Variants in KLHL3 observed in about 807,000 individuals in gnomAD.
KLHL3 encodes the protein kelch-like protein 3.
A neutral mutation model predicts 70.5 loss-of-function variants in KLHL3; 19 were observed. The observed-to-expected ratio is 0.27, with a 90% CI of 0.19 to 0.40. The LOEUF is 0.40. Among genes scored for constraint, KLHL3 ranks in the 10% least tolerant of loss-of-function variants. The pLI, the probability that KLHL3 is intolerant of heterozygous loss-of-function variation, is 1.00. For missense variants in KLHL3, 512 were observed against 771.1 expected (o/e 0.66, Z 3.98); for synonymous variants, 258 against 290.3 (o/e 0.89, Z 1.13).
rs1215146519 is a variant in KLHL3, at chr5:137,658,297, A to C, written c.754-17T>G. 3 of 1,613,612 alleles carry C rather than the reference A, an allele frequency of 1.9e-6. No homozygotes were observed. The highest frequency in any genetic ancestry group is 2.5e-6 in the Non-Finnish European group (3 of 1,179,658). ...TTCAACCGTCTAGAGGTAATAATCCACAGATGATCCTGGAGCACAGCTCAG... is the reference window on the plus strand; with the variant it reads ...TTCAACCGTCTAGAGGTAATAATCCCCAGATGATCCTGGAGCACAGCTCAG... On this transcript the variant is annotated splice_polypyrimidine_tract_variant and intron_variant, in intron 7 of 14. Transcript: ENST00000309755.
At chr5:137,652,010 C>A (rs1024293661) in intron 8 of KLHL3, among the ~76,000 whole-genome samples, 1 of 151,990 alleles carries the variant, frequency 6.6e-6, no homozygotes, top group Admixed American at 6.5e-5. Context: ...AACAAATGAG[C>A]CTTAGACTCT....
intron 6 of KLHL3, among the ~76,000 whole-genome samples, chr5:137,676,977 T>C (rs972289945): frequency 6.6e-6 from 1 of 152,198 alleles, no homozygotes; most frequent in African/African-American, 2.4e-5. Context: ...GCACTTAGCA[T>C]AGTGTTTGGC....
chr5:137,706,090 G>C, intron 3 of KLHL3: 2 of 985,118 alleles, frequency 2.0e-6, no homozygotes, highest in Non-Finnish European at 1.2e-6. Flanking sequence ...ACAGGACAAT[G>C]GTCAAGAAGT....
chr5:137,733,295 T>G (rs1372006341), intron 1 of KLHL3, among the ~76,000 whole-genome samples: 1 of 152,204 alleles, frequency 6.6e-6, no homozygotes, highest in Non-Finnish European at 1.5e-5. Flanking sequence ...AAGGCTGATA[T>G]CCAAAGATGA....
intron 5 of KLHL3, among the ~76,000 whole-genome samples, chr5:137,691,159 C>T (rs762112327): frequency 5.3e-5 from 8 of 152,196 alleles, no homozygotes; most frequent in Admixed American, 1.3e-4. Flanking sequence ...AACAGATTAT[C>T]TGATGTATTG....
intron 4 of KLHL3, among the ~76,000 whole-genome samples, 180 bp downstream of exon 4, chr5:137,698,107 G>A (rs1561611264): frequency 6.6e-6 from 1 of 152,256 alleles, no homozygotes. Context: ...GCATGAGTTT[G>A]AGGACCAGCT....
chr5:137,681,535 T>C (rs1169569058), intron 5 of KLHL3, among the ~76,000 whole-genome samples: 1 of 152,170 alleles, frequency 6.6e-6, no homozygotes, highest in Non-Finnish European at 1.5e-5. Flanking sequence ...AACAAAGGTT[T>C]GCTGAGCACT....
At chr5:137,628,241 T>G (rs1033006820) in intron 13 of KLHL3, 56 bp downstream of exon 13, 2 of 1,599,666 alleles carry the variant, frequency 1.3e-6, no homozygotes, top group African/African-American at 2.7e-5. Context: ...AGCCAGTGTC[T>G]TCAGGGAGAA....
At chr5:137,644,404 A>C (rs1750992539) in intron 8 of KLHL3, among the ~76,000 whole-genome samples, 1 of 152,152 alleles carries the variant, frequency 6.6e-6, no homozygotes, top group Non-Finnish European at 1.5e-5. Flanking sequence ...ACCTCATTTT[A>C]AAATCCATTC....
At chr5:137,714,860 T>C (rs1752864228) in intron 2 of KLHL3, among the ~76,000 whole-genome samples, 1 of 152,010 alleles carries the variant, frequency 6.6e-6, no homozygotes, top group African/African-American at 2.4e-5. Flanking sequence ...ATAACAATAA[T>C]AAAAGCATAG....
At position 137,639,340 on chromosome 5, in the gene KLHL3, TA is replaced by T. The variant is rs1447342076; in HGVS notation, c.1022-191del. 6.6e-6 allele frequency among the ~76,000 whole-genome samples: 1 copy of T among 152,124 alleles called. No homozygotes were observed. Among genetic ancestry groups the T allele is most frequent in the African/African-American group, 2.4e-5 (1 of 41,410 alleles). On this transcript the variant is annotated intron_variant, in intron 9 of 14. Transcript: ENST00000309755. The surrounding 1 kb of genome is among the most constrained non-coding windows in gnomAD (Gnocchi z 5.0). ...CTTTTCTAATTTTGTCTGATTCAAG[TA>T]AATATTTGAATCAGCTTTAACTCCC...
chr5:137,620,503 T>C lies in KLHL3; in HGVS notation c.*1595A>G, dbSNP rs761072556. 4 of 152,174 alleles carry C rather than the reference T, an allele frequency of 2.6e-5. No individual in the cohort carries two copies. Among genetic ancestry groups the C allele is most frequent in the Non-Finnish European group, 5.9e-5 (4 of 68,046 alleles). 9.4% of individuals were successfully genotyped at this position (152,174 alleles called of 1,614,324 possible). The stretch of plus-strand genomic sequence containing the variant: ...GTTCCTTGGCTTCCTGTAGGTGGAT[T>C]CTCAAAGTAGGGAGGGTGTCCCAGA... On this transcript the variant is annotated 3_prime_UTR_variant, in exon 15 of 15. Coordinates refer to ENST00000309755, the MANE Select transcript of KLHL3 (RefSeq NM_017415.3).
intron 4 of KLHL3, 141 bp downstream of exon 4, chr5:137,698,146 G>T: frequency 9.3e-7 from 1 of 1,079,156 alleles, no homozygotes; most frequent in Non-Finnish European, 1.3e-6. Flanking sequence ...GTGGCCCAGG[G>T]CAGGTCACCT....
intron 5 of KLHL3, among the ~76,000 whole-genome samples, chr5:137,689,572 A>C (rs1161069813): frequency 6.6e-6 from 1 of 152,206 alleles, no homozygotes; most frequent in African/African-American, 2.4e-5. Flanking sequence ...TTAACACAGA[A>C]ACAGAACACC....
chr5:137,675,166 C>T (rs1266620853), intron 6 of KLHL3, among the ~76,000 whole-genome samples: 2 of 152,100 alleles, frequency 1.3e-5, no homozygotes, highest in Admixed American at 6.5e-5. Flanking sequence ...AATAGAACTT[C>T]GTTAATGTGA....
At chr5:137,632,231 A>G (rs1750655684) in intron 12 of KLHL3, among the ~76,000 whole-genome samples, 1 of 152,180 alleles carries the variant, frequency 6.6e-6, no homozygotes. Context: ...CAAAGTCAGA[A>G]GTATCACATT....
chr5:137,699,986 G>C (rs1198738860), intron 3 of KLHL3, among the ~76,000 whole-genome samples: 1 of 152,288 alleles, frequency 6.6e-6, no homozygotes, highest in South Asian at 2.1e-4. Context: ...GAAAAGTAGC[G>C]GGGGAGACAT....
chr5:137,647,433 G>T, intron 8 of KLHL3: 4 of 313,642 alleles, frequency 1.3e-5, no homozygotes, highest in Non-Finnish European at 6.8e-6. Context: ...CCTAGCCCTG[G>T]CCTCAGGACT....
chr5:137,679,021 A>G (rs886393127), intron 5 of KLHL3, among the ~76,000 whole-genome samples: 2 of 142,876 alleles, frequency 1.4e-5, no homozygotes, highest in Non-Finnish European at 3.1e-5. Context: ...CAAAACAAAA[A>G]AAGCCTTTAG....
Sources: gnomAD v4.1 joint callset for allele counts (sites outside exome capture counted in the v4.1 genomes callset) on GRCh38, gnomAD v4.1.1 for gene constraint, Gnocchi (gnomAD v3.1) non-coding constraint, MANE v1.5 for transcripts, NCBI Gene and HGNC (gene_info 2026-07-23, HGNC 2026-07-21) for gene names.